Variants in RANBP3L observed in about 807,000 individuals in gnomAD.
The protein encoded by RANBP3L is ran-binding protein 3-like.
A neutral mutation model predicts 67.2 loss-of-function variants in RANBP3L; 56 were observed. The observed-to-expected ratio is 0.83, with a 90% confidence interval of 0.67 to 1.04. RANBP3L has a LOEUF of 1.04. RANBP3L is among the 50% of genes least tolerant of loss of function. The pLI, the probability that RANBP3L is intolerant of heterozygous loss-of-function variation, is 0.00. For synonymous variants in RANBP3L, 164 were observed against 181.4 expected, an observed-to-expected ratio of 0.90 and a Z score of 0.77; for missense variants, 496 against 535.5, an observed-to-expected ratio of 0.93 and a Z score of 0.73.
chr5:36,299,361 G>A lies in RANBP3L; in HGVS notation c.91+1965C>T, dbSNP rs1015954700. Among the ~76,000 whole-genome samples, 562 of 147,128 alleles carry A rather than the reference G, an allele frequency of 3.8e-3. 2 individuals are homozygous for A. Among genetic ancestry groups the A allele is most frequent in the East Asian group, 0.017 (86 of 4,928 alleles). On this transcript the variant is annotated intron_variant, in intron 1 of 13. Transcript: ENST00000296604. ...TGTGTGTGTGTGTGTGTGTGTGTGT[G>A]TGTGTATATATCCTATTAGTTCTGT... is the stretch of plus-strand genomic sequence containing the variant.
At chr5:36,261,692 A>G (rs1338820593) in intron 7 of RANBP3L, among the ~76,000 whole-genome samples, 1 of 152,194 alleles carries the variant, frequency 6.6e-6, no homozygotes, top group East Asian at 1.9e-4. Context: ...TTAGCCATAC[A>G]TTTTCAAAAA....
chr5:36,294,878 A>G (rs1348619898), intron 1 of RANBP3L, among the ~76,000 whole-genome samples: 1 of 148,392 alleles, frequency 6.7e-6, no homozygotes, highest in Non-Finnish European at 1.5e-5. Flanking sequence ...TATAGTGTAT[A>G]TATACACTAT....
intron 1 of RANBP3L, among the ~76,000 whole-genome samples, chr5:36,299,167 G>C (rs1752441098): frequency 6.6e-6 from 1 of 152,150 alleles, no homozygotes; most frequent in South Asian, 2.1e-4. Context: ...TGGATTCCAA[G>C]TTCTTCAGTT....
At chr5:36,297,276 G>T (rs1752287058) in intron 1 of RANBP3L, among the ~76,000 whole-genome samples, 1 of 151,026 alleles carries the variant, frequency 6.6e-6, no homozygotes, top group South Asian at 2.2e-4. Flanking sequence ...TGTCATTAAG[G>T]TCTTCATCAT....
intron 1 of RANBP3L, among the ~76,000 whole-genome samples, chr5:36,290,027 T>A (rs913431802): frequency 2.6e-5 from 4 of 152,204 alleles, no homozygotes; most frequent in Non-Finnish European, 5.9e-5. Flanking sequence ...TTCTTGTAAA[T>A]GTTTTTCATC....
chr5:36,299,365 G>GTGTGTATA (rs1554021667), intron 1 of RANBP3L, among the ~76,000 whole-genome samples: 29 of 148,112 alleles, frequency 2.0e-4, no homozygotes, highest in African/African-American at 7.1e-4. Flanking sequence ...GTGTGTGTGT[G>GTGTGTATA]TATATATCCT....
Position 36,249,589 on chromosome 5 carries a change from T to C in RANBP3L, c.*65A>G. On this transcript the variant is annotated 3_prime_UTR_variant, in exon 14 of 14. Transcript: ENST00000296604. ...AATAGAATCTTCTCATTAGTTAGGGTGGTTTAGTATTTTCAGTAGGGTGAC... is the reference window on the plus strand; with the variant it reads ...AATAGAATCTTCTCATTAGTTAGGGCGGTTTAGTATTTTCAGTAGGGTGAC... 1 of 720,044 alleles carries C rather than the reference T, an allele frequency of 1.4e-6. No homozygotes were observed. Among genetic ancestry groups the C allele is most frequent in the East Asian group, 2.8e-5 (1 of 35,742 alleles). 44.6% of individuals were successfully genotyped at this position (720,044 alleles called of 1,614,324 possible).
At chr5:36,260,231 C>A (rs1579689692) in intron 8 of RANBP3L, among the ~76,000 whole-genome samples, 1 of 151,062 alleles carries the variant, frequency 6.6e-6, no homozygotes, top group Non-Finnish European at 1.5e-5. Context: ...TGTGGTGGCA[C>A]GCGCCTGTAG....
Position 36,249,681 on chromosome 5 carries a change from A to G in RANBP3L, c.1371T>C (p.Thr457=), listed in dbSNP as rs1748463227. 6.4e-7 allele frequency: 1 copy of G among 1,556,006 alleles called. No homozygotes were observed. The highest frequency in any genetic ancestry group is 8.8e-7 in the Non-Finnish European group (1 of 1,137,924). The change falls in exon 14 of 14, where the codon ACT becomes ACC. Residue 457 remains threonine, a synonymous_variant. Transcript: ENST00000296604. ...ATGAACAGGCAACCGACTGTCTGTG[A>G]GTCCAACTAGAAGGATCTGTGATAT... ...TKNGSDPSSW[T]HRQSVACS
intron 6 of RANBP3L, 122 bp downstream of exon 6, chr5:36,264,837 A>C (rs372823508): frequency 1.2e-6 from 1 of 821,248 alleles, no homozygotes. Context: ...GCTTTATGCT[A>C]TCTAGCCCAA....
chr5:36,297,519 A>C (rs1579802429), intron 1 of RANBP3L, among the ~76,000 whole-genome samples: 1 of 152,236 alleles, frequency 6.6e-6, no homozygotes, highest in African/African-American at 2.4e-5. Context: ...GGTTGTTGTG[A>C]AAATTAATGA....
At chr5:36,269,002 G>T (rs948003399) in intron 4 of RANBP3L, among the ~76,000 whole-genome samples, 5 of 152,080 alleles carry the variant, frequency 3.3e-5, no homozygotes, top group Admixed American at 3.3e-4. Context: ...GAGCCACCGC[G>T]CCCAGCCTGT....
chr5:36,269,959 G>T lies in RANBP3L; in HGVS notation c.182C>A (p.Ala61Glu), dbSNP rs1579720377. Reference sequence around the variant, plus strand: ...AGGATGAAAATCATTACCTGGTTCTGCTGCTTCATACAGGGTGTCTTCTGC... The same window carrying T: ...AGGATGAAAATCATTACCTGGTTCTTCTGCTTCATACAGGGTGTCTTCTGC... ...RPAEDTLYEA[A>E]EPECNGFPTK... Residue 61 changes from alanine to glutamate, a missense_variant, in exon 3 of 14, where the codon GCA becomes GAA. By Grantham distance (107) the Ala-to-Glu change is moderately radical. Transcript: ENST00000296604. 1 of 1,612,896 alleles carries T rather than the reference G, an allele frequency of 6.2e-7. No individual in the cohort carries two copies. The highest frequency in any genetic ancestry group is 1.1e-5 in the South Asian group (1 of 91,066).
chr5:36,260,016 A>G (rs1163719752), intron 8 of RANBP3L, among the ~76,000 whole-genome samples: 1 of 152,104 alleles, frequency 6.6e-6, no homozygotes, highest in Non-Finnish European at 1.5e-5. Context: ...TAGCAAAAGA[A>G]AGTTATAATA....
chr5:36,260,544 C>T (rs902803929), intron 8 of RANBP3L, among the ~76,000 whole-genome samples: 2 of 152,068 alleles, frequency 1.3e-5, no homozygotes, highest in Non-Finnish European at 2.9e-5. Context: ...TTTAATATTT[C>T]ACATCAGTAA....
At chr5:36,301,174 T>C (rs1487722121) in intron 1 of RANBP3L, 152 bp downstream of exon 1, 14 of 659,172 alleles carry the variant, frequency 2.1e-5, no homozygotes, top group Admixed American at 1.6e-4. Context: ...CATAGTCCTC[T>C]AAAAATCAAT....
chr5:36,289,898 C>T (rs1751592642), intron 1 of RANBP3L, among the ~76,000 whole-genome samples: 1 of 151,722 alleles, frequency 6.6e-6, no homozygotes, highest in African/African-American at 2.4e-5. Context: ...AATACACTGG[C>T]TAGGATCTCC....
At chr5:36,255,001 T>G (rs1561095587) in intron 11 of RANBP3L, among the ~76,000 whole-genome samples, 1 of 152,154 alleles carries the variant, frequency 6.6e-6, no homozygotes, top group Non-Finnish European at 1.5e-5. Flanking sequence ...ATGTCTGGGA[T>G]GCCAAGGATA....
At chr5:36,271,637 T>C (rs1248368917) in intron 1 of RANBP3L, among the ~76,000 whole-genome samples, 1 of 152,158 alleles carries the variant, frequency 6.6e-6, no homozygotes, top group Non-Finnish European at 1.5e-5. Context: ...ATTAACACCA[T>C]TGCTTTAAGA....
Sources: gnomAD v4.1 joint callset for allele counts (sites outside exome capture counted in the v4.1 genomes callset) on GRCh38, gnomAD v4.1.1 for gene constraint, MANE v1.5 for transcripts, NCBI Gene and HGNC (gene_info 2026-07-23, HGNC 2026-07-21) for gene names.